STK32B: variants seen among roughly 807,000 people sequenced by gnomAD.
The protein encoded by STK32B is serine/threonine kinase 32B.
In STK32B, 43 loss-of-function variants were observed where a neutral mutation model predicts 52.6. The observed-to-expected ratio is 0.82, with a 90% CI of 0.64 to 1.05. The LOEUF (loss-of-function observed/expected upper bound fraction) is 1.05. STK32B is among the 50% of genes least tolerant of loss of function. The pLI is 0.00. For missense variants in STK32B, 621 were observed against 534.6 expected (o/e 1.16, Z -1.59); for synonymous variants, 238 against 204.3 (o/e 1.17, Z -1.41).
intron 3 of STK32B, among the ~76,000 whole-genome samples, chr4:5,194,138 T>G (rs766632068): frequency 6.6e-6 from 1 of 152,210 alleles, no homozygotes; most frequent in Non-Finnish European, 1.5e-5. Flanking sequence ...TTTTCATCTC[T>G]GATGTTAATG....
chr4:5,476,794 A>C (rs1718276384), intron 11 of STK32B, among the ~76,000 whole-genome samples: 1 of 151,160 alleles, frequency 6.6e-6, no homozygotes, highest in African/African-American at 2.4e-5. Flanking sequence ...ATTTATGAAG[A>C]GGTCACACTA....
chr4:5,488,263 A>G (rs554924791), intron 11 of STK32B, among the ~76,000 whole-genome samples: 8 of 152,130 alleles, frequency 5.3e-5, no homozygotes, highest in Non-Finnish European at 1.2e-4. Context: ...ACGCCACTGC[A>G]CTCCAGCCTG....
chr4:5,291,149 A>G (rs1414062440), intron 3 of STK32B, among the ~76,000 whole-genome samples: 1 of 152,102 alleles, frequency 6.6e-6, no homozygotes, highest in Non-Finnish European at 1.5e-5. Flanking sequence ...TTTGGTGATT[A>G]TGTATCTCTT....
intron 3 of STK32B, among the ~76,000 whole-genome samples, chr4:5,173,430 T>A (rs1266007978): frequency 6.6e-6 from 1 of 152,166 alleles, no homozygotes; most frequent in Non-Finnish European, 1.5e-5. Context: ...TGCTTTCTCT[T>A]GTGGGCATTT....
intron 1 of STK32B, among the ~76,000 whole-genome samples, chr4:5,056,872 A>G (rs1349103916): frequency 1.3e-5 from 2 of 152,242 alleles, no homozygotes; most frequent in African/African-American, 2.4e-5. Context: ...TGGAGTATCA[A>G]CGGAAAAAGG....
chr4:5,104,305 A>T lies in STK32B; in HGVS notation c.53-35600A>T, dbSNP rs116108009. Among the ~76,000 whole-genome samples the T allele has an allele frequency of 2.2e-3, 337 of 152,312 alleles. 1 individual carries two copies. Among genetic ancestry groups the T allele is most frequent in the African/African-American group, 7.7e-3 (321 of 41,552 alleles). ...TCTCTTGTCTGCTGCCATGTAAGAC[A>T]TCCCTTTGCTCTTCCATCATCTTCC... On this transcript the variant is annotated intron_variant, in intron 1 of 11. Coordinates refer to ENST00000282908, the MANE Select transcript of STK32B (RefSeq NM_018401.3).
At chr4:5,311,752 A>G (rs991684408) in intron 3 of STK32B, among the ~76,000 whole-genome samples, 1 of 152,144 alleles carries the variant, frequency 6.6e-6, no homozygotes, top group Admixed American at 6.5e-5. Flanking sequence ...GAACACTCCT[A>G]TATCTGTTAA....
intron 7 of STK32B, among the ~76,000 whole-genome samples, chr4:5,451,621 C>G (rs1716002774): frequency 6.6e-6 from 1 of 152,158 alleles, no homozygotes; most frequent in Non-Finnish European, 1.5e-5. Flanking sequence ...ACAGGTTTCT[C>G]CACCTCGGCA....
At chr4:5,220,032 A>G (rs1239054846) in intron 3 of STK32B, among the ~76,000 whole-genome samples, 1 of 152,158 alleles carries the variant, frequency 6.6e-6, no homozygotes, top group East Asian at 1.9e-4. Flanking sequence ...GGCACGTTCA[A>G]TTTTATTGTA....
intron 3 of STK32B, among the ~76,000 whole-genome samples, chr4:5,173,411 G>T (rs966933385): frequency 2.0e-5 from 3 of 151,902 alleles, no homozygotes; most frequent in Non-Finnish European, 4.4e-5. Context: ...GTCAATTTTG[G>T]ATCTTTCCTG....
At chr4:5,168,739 G>A (rs1235665024) in intron 3 of STK32B, among the ~76,000 whole-genome samples, 5 of 152,172 alleles carry the variant, frequency 3.3e-5, no homozygotes, top group African/African-American at 9.7e-5. Context: ...AGAGAATGCC[G>A]AAGATAGGCT....
At chr4:5,364,632 C>T (rs1254607954) in intron 4 of STK32B, among the ~76,000 whole-genome samples, 1 of 152,188 alleles carries the variant, frequency 6.6e-6, no homozygotes, top group Non-Finnish European at 1.5e-5. Context: ...AGTTGAACCA[C>T]GTACCACCTG....
intron 3 of STK32B, among the ~76,000 whole-genome samples, chr4:5,191,341 C>T (rs1038197252): frequency 6.6e-6 from 1 of 151,946 alleles, no homozygotes; most frequent in East Asian, 1.9e-4. Flanking sequence ...AGCTCTGCCT[C>T]CCGGGTTCAC....
intron 5 of STK32B, among the ~76,000 whole-genome samples, chr4:5,405,326 G>T (rs528400370): frequency 6.6e-6 from 1 of 151,986 alleles, no homozygotes; most frequent in Admixed American, 6.6e-5. Flanking sequence ...GAGGAACCTG[G>T]GCAGAGCCAA....
intron 2 of STK32B, among the ~76,000 whole-genome samples, chr4:5,147,162 A>G (rs1200575928): frequency 6.6e-6 from 1 of 152,014 alleles, no homozygotes. Context: ...CAAATAGTTG[A>G]TGAAGTTTTT....
the STK32B span, among the ~76,000 whole-genome samples, chr4:5,044,862 G>A: frequency 1.3e-5 from 2 of 152,192 alleles, no homozygotes; most frequent in African/African-American, 2.4e-5. Context: ...AGTGAGCCAT[G>A]ATTGTGCCAC....
intron 3 of STK32B, among the ~76,000 whole-genome samples, chr4:5,181,341 C>CACACACACAG (rs1396150168): frequency 5.7e-5 from 8 of 140,860 alleles, no homozygotes; most frequent in African/African-American, 2.0e-4. Context: ...CACACACACA[C>CACACACACAG]ACACACACAC....
chr4:5,389,007 AT>A, intron 4 of STK32B, among the ~76,000 whole-genome samples: 1 of 152,342 alleles, frequency 6.6e-6, no homozygotes, highest in Admixed American at 6.5e-5. Context: ...TTAAAAAAAA[AT>A]CAGCAACCCC....
chr4:5,159,566 AATATATATGAAT>A (rs71169684), intron 2 of STK32B, among the ~76,000 whole-genome samples: 9,417 of 68,802 alleles, frequency 0.14, 2,472 homozygotes, highest in African/African-American at 0.48. Context: ...TATATGAATG[AATATATATGAAT>A]ATATATATGA....
Sources: allele counts gnomAD v4.1 joint callset (sites outside exome capture counted in the v4.1 genomes callset), GRCh38; gene constraint gnomAD v4.1.1; transcripts MANE v1.5; gene names NCBI Gene and HGNC (gene_info 2026-07-23, HGNC 2026-07-21).